The following ENPP6 variants were observed in gnomAD, a reference collection of about 807,000 sequenced individuals.
ENPP6 encodes ectonucleotide pyrophosphatase/phosphodiesterase 6.
In ENPP6, 32 loss-of-function variants were observed where a neutral mutation model predicts 42.0. The observed-to-expected ratio is 0.76, with a 90% CI of 0.58 to 1.02. The LOEUF (loss-of-function observed/expected upper bound fraction) is 1.02, where lower values mean the gene tolerates loss of function less well. Ranked by LOEUF, ENPP6 falls within the 50% of genes least tolerant of loss-of-function variation. The pLI is 0.00. For synonymous variants in ENPP6, 213 were observed against 216.0 expected (o/e 0.99, Z 0.12); for missense variants, 552 against 566.8 (o/e 0.97, Z 0.27).
intron 6 of ENPP6, among the ~76,000 whole-genome samples, chr4:184,101,854 T>C (rs1736009198): frequency 6.6e-6 from 1 of 152,178 alleles, no homozygotes; most frequent in Non-Finnish European, 1.5e-5. Context: ...CTCAACCAGT[T>C]AATCATTTCT....
intron 2 of ENPP6, among the ~76,000 whole-genome samples, chr4:184,152,764 C>T (rs543795475): frequency 2.4e-4 from 37 of 152,304 alleles, no homozygotes; most frequent in African/African-American, 8.7e-4. Context: ...CTCACAGCAG[C>T]CGAGGCAGTT....
At chr4:184,126,232 C>A (rs1236856541) in intron 2 of ENPP6, among the ~76,000 whole-genome samples, 1 of 152,120 alleles carries the variant, frequency 6.6e-6, no homozygotes, top group East Asian at 1.9e-4. Context: ...CTCTTAATAC[C>A]TTTACTTAAA....
At chr4:184,131,041 G>A (rs1736601730) in intron 2 of ENPP6, among the ~76,000 whole-genome samples, 1 of 152,156 alleles carries the variant, frequency 6.6e-6, no homozygotes. Context: ...CACGCATTAA[G>A]AGAAGAGCTC....
At chr4:184,144,159 T>C (rs1285293341) in intron 2 of ENPP6, among the ~76,000 whole-genome samples, 2 of 152,144 alleles carry the variant, frequency 1.3e-5, no homozygotes, top group African/African-American at 2.4e-5. Flanking sequence ...GCGGAAAGGG[T>C]GCAGACTGCC....
intron 6 of ENPP6, among the ~76,000 whole-genome samples, chr4:184,101,750 C>G (rs573946733): frequency 6.6e-6 from 1 of 152,278 alleles, no homozygotes; most frequent in Admixed American, 6.5e-5. Flanking sequence ...ACATCTTCAC[C>G]CAGGGTGATA....
chr4:184,190,503 C>T (rs1279047220), intron 1 of ENPP6, among the ~76,000 whole-genome samples: 2 of 152,160 alleles, frequency 1.3e-5, no homozygotes, highest in African/African-American at 2.4e-5. Flanking sequence ...GATAGATTGG[C>T]AGCAGGAATT....
intron 2 of ENPP6, among the ~76,000 whole-genome samples, chr4:184,146,214 TGAG>T (rs572609649): frequency 6.6e-6 from 1 of 151,964 alleles, no homozygotes; most frequent in East Asian, 1.9e-4. Flanking sequence ...GAGTGGATCA[TGAG>T]GTCAGGAGTT....
At chr4:184,132,218 T>G (rs901434115) in intron 2 of ENPP6, among the ~76,000 whole-genome samples, 1 of 152,054 alleles carries the variant, frequency 6.6e-6, no homozygotes, top group African/African-American at 2.4e-5. Flanking sequence ...TGGGGACCCC[T>G]CTACCCGTCA....
intron 3 of ENPP6, among the ~76,000 whole-genome samples, chr4:184,119,095 C>A (rs62340079): frequency 6.6e-6 from 1 of 152,198 alleles, no homozygotes; most frequent in Non-Finnish European, 1.5e-5. Flanking sequence ...TGAGCACTGT[C>A]TAATAAGCTT....
At chr4:184,130,451 G>C (rs1346432645) in intron 2 of ENPP6, among the ~76,000 whole-genome samples, 1 of 94,402 alleles carries the variant, frequency 1.1e-5, no homozygotes, top group African/African-American at 4.0e-5. Flanking sequence ...CCAGCTACTC[G>C]GGAGGCTGAG....
At chr4:184,181,121 A>G (rs1031492250) in intron 1 of ENPP6, among the ~76,000 whole-genome samples, 1 of 152,202 alleles carries the variant, frequency 6.6e-6, no homozygotes. Context: ...CCATCATCTG[A>G]GCCCCAAAGC....
intron 2 of ENPP6, among the ~76,000 whole-genome samples, chr4:184,144,180 A>C (rs7693057): frequency 0.58 from 88,490 of 152,140 alleles, 26,951 homozygotes; most frequent in South Asian, 0.67. Flanking sequence ...CCACTCACCA[A>C]ACACCTCAGA....
At position 184,112,790 on chromosome 4, in the gene ENPP6, G is replaced by A; in HGVS notation, c.875C>T (p.Thr292Ile). 6.2e-7 allele frequency: 1 copy of A among 1,613,738 alleles called. No individual in the cohort carries two copies. The highest frequency in any genetic ancestry group is 2.2e-5 in the East Asian group (1 of 44,866). Residue 292 changes from threonine to isoleucine, a missense_variant, in exon 6 of 8, where the codon ACA (threonine) becomes ATA (isoleucine). Thr to Ile is a moderately conservative substitution (Grantham distance 89). Around this residue, in one of 2 missense-constraint regions of ENPP6, gnomAD observed 545 missense variants for 546.3 expected, o/e 1.00. Transcript: ENST00000296741. ...KHSEIYNKLS[T>I]VEHMTVYEKE... is the part of the protein sequence containing the mutation. ...CTCGTAGACAGTCATGTGTTCCACT[G>A]TGCTCAGTTTGTTATATATCTGCAA...
rs527544390 is a variant in ENPP6, at chr4:184,117,038, G to A, written c.676-3C>T. 2.3e-5 allele frequency: 37 copies of A among 1,614,188 alleles called. No individual in the cohort carries two copies. The Admixed American group carries it at 5.2e-4, about 23-fold the overall frequency. On this transcript the variant is annotated splice_region_variant and splice_polypyrimidine_tract_variant and intron_variant, in intron 4 of 7. Transcript: ENST00000296741. ...AGGCGGTCCTGCAGGCCCCGCTCCT[G>A]TGGGGTGGGAAAAGACAGTCATTAC...
chr4:184,197,052 G>A (rs928463898), intron 1 of ENPP6, among the ~76,000 whole-genome samples: 1 of 152,192 alleles, frequency 6.6e-6, no homozygotes, highest in Non-Finnish European at 1.5e-5. Context: ...AATACATGTT[G>A]ACACAGGCTG....
Position 184,138,489 on chromosome 4 carries a change from T to C in ENPP6, c.422-14217A>G, listed in dbSNP as rs945903033. Among the ~76,000 whole-genome samples the C allele has an allele frequency of 3.3e-5, 5 of 152,124 alleles. No individual in the cohort carries two copies. In the East Asian group the frequency reaches 9.6e-4, roughly 29 times the overall value. On this transcript the variant is annotated intron_variant, in intron 2 of 7. Transcript: ENST00000296741. ...ACTCACTTTCCAACATTTACATCAATATTTTGAACCATCTGTCTGGTGCTA... is the reference window on the plus strand; with the variant it reads ...ACTCACTTTCCAACATTTACATCAACATTTTGAACCATCTGTCTGGTGCTA...
chr4:184,124,478 C>T (rs1057000367), intron 2 of ENPP6, among the ~76,000 whole-genome samples: 1 of 152,158 alleles, frequency 6.6e-6, no homozygotes, highest in Non-Finnish European at 1.5e-5. Flanking sequence ...AATGTCATTC[C>T]TATGCAACAC....
intron 2 of ENPP6, among the ~76,000 whole-genome samples, chr4:184,131,258 C>T (rs1037101642): frequency 6.9e-4 from 25 of 36,182 alleles, no homozygotes; most frequent in South Asian, 3.6e-3. Context: ...CTTTCTCTTT[C>T]TCTTCCTTCC....
At position 184,181,873 on chromosome 4, in the gene ENPP6, A is replaced by G. The variant is rs1213932034; in HGVS notation, c.242-28140T>C. ...CAAAAATTAACTCAAGATGGATTAA[A>G]GACTTAAATGTAAAACCTAAAACTA... On this transcript the variant is annotated intron_variant, in intron 1 of 7. Coordinates refer to ENST00000296741, the MANE Select transcript of ENPP6 (RefSeq NM_153343.4). Among the ~76,000 whole-genome samples, 6 of 152,350 alleles carry G rather than the reference A, an allele frequency of 3.9e-5. No homozygotes were observed. The South Asian group carries it at 6.2e-4, about 16-fold the overall frequency.
Sources: gnomAD v4.1 joint callset for allele counts (sites outside exome capture counted in the v4.1 genomes callset) on GRCh38, gnomAD v4.1.1 for gene constraint, gnomAD v4.1.1 regional missense constraint, MANE v1.5 for transcripts, NCBI Gene and HGNC (gene_info 2026-07-23, HGNC 2026-07-21) for gene names.